The following IL2RB variants were observed in gnomAD, a reference collection of about 807,000 sequenced individuals.
IL2RB encodes interleukin-2 receptor subunit beta.
A neutral mutation model predicts 44.2 loss-of-function variants in IL2RB; 17 were observed. That is an observed-to-expected ratio of 0.38 (90% CI 0.26 to 0.58). The LOEUF (loss-of-function observed/expected upper bound fraction) is 0.58, where lower values mean the gene tolerates loss of function less well. Ranked by LOEUF, IL2RB falls within the 20% of genes least tolerant of loss-of-function variation. The probability of loss-of-function intolerance (pLI) is 0.63; values close to 1 mark genes in which losing one functional copy is unlikely to be tolerated. For missense variants in IL2RB, 624 were observed against 685.5 expected, an observed-to-expected ratio of 0.91 and a Z score of 1.00; for synonymous variants, 286 against 297.9, an observed-to-expected ratio of 0.96 and a Z score of 0.41.
upstream of IL2RB, among the ~76,000 whole-genome samples, chr22:37,154,575 C>CTTTTTTTTTTTTT (rs57147928): frequency 1.4e-5 from 2 of 141,606 alleles, no homozygotes; most frequent in African/African-American, 2.6e-5. Context: ...CTTTTTTTTT[C>CTTTTTTTTTTTTT]TTTTTTTTTT....
At chr22:37,171,928 A>C (rs1054073046) in intron 1 of IL2RB, among the ~76,000 whole-genome samples, 8 of 152,182 alleles carry the variant, frequency 5.3e-5, no homozygotes, top group Non-Finnish European at 1.0e-4. Context: ...CACCTTATAT[A>C]AACCTCTTTT....
intron 6 of IL2RB, 74 bp from the exon 7 acceptor site, chr22:37,136,467 C>A (rs915925519): frequency 1.2e-5 from 14 of 1,163,748 alleles, no homozygotes; most frequent in Admixed American, 2.9e-5. Flanking sequence ...CATCACAGAA[C>A]CCCCCCCCAA....
chr22:37,160,623 C>G (rs1269831508), intron 1 of IL2RB, among the ~76,000 whole-genome samples: 4 of 151,020 alleles, frequency 2.6e-5, no homozygotes, highest in Non-Finnish European at 5.9e-5. Flanking sequence ...GGGTGGATTG[C>G]TTGAGCTCAG....
intron 6 of IL2RB, 39 bp downstream of exon 6, chr22:37,137,548 G>A (rs370822006): frequency 2.3e-4 from 373 of 1,609,754 alleles, no homozygotes; most frequent in Non-Finnish European, 3.0e-4. Flanking sequence ...GGACAGGAAG[G>A]AGGAACCAAG....
At chr22:37,165,696 A>AATTTT (rs1197458002) in intron 1 of IL2RB, among the ~76,000 whole-genome samples, 1 of 149,262 alleles carries the variant, frequency 6.7e-6, no homozygotes, top group Admixed American at 6.8e-5. Flanking sequence ...AATTTAATTT[A>AATTTT]ATTTAATTTA....
upstream of IL2RB, among the ~76,000 whole-genome samples, chr22:37,151,374 T>G (rs746290751): frequency 6.6e-6 from 1 of 152,254 alleles, no homozygotes; most frequent in Non-Finnish European, 1.5e-5. Flanking sequence ...TTTTGAGAAC[T>G]GTCTATTCAG....
At chr22:37,157,911 C>G (rs1316382341) in intron 1 of IL2RB, among the ~76,000 whole-genome samples, 1 of 152,046 alleles carries the variant, frequency 6.6e-6, no homozygotes, top group African/African-American at 2.4e-5. Flanking sequence ...TCCCTAATAC[C>G]CTGAAGAGTC....
In IL2RB at chr22:37,157,060, G is replaced by C. The variant is rs115916260; in HGVS notation, c.-33-12855C>G. Among the ~76,000 whole-genome samples, 583 of 149,248 alleles carry C rather than the reference G, an allele frequency of 3.9e-3. 4 individuals are homozygous for C. Among genetic ancestry groups the C allele is most frequent in the African/African-American group, 0.014 (536 of 38,638 alleles). On this transcript the variant is annotated intron_variant, in intron 1 of 5. Transcript: ENST00000429622. ...CTGGTCCCTGGTCAGGAGGACTATG[G>C]TATACATAATTTGGTGTCTGACCCT...
intron 3 of IL2RB, 47 bp downstream of exon 3, chr22:37,143,474 T>C: frequency 7.9e-7 from 1 of 1,270,942 alleles, no homozygotes; most frequent in Non-Finnish European, 1.2e-6. Context: ...ATCCAGAATA[T>C]GAGATCCCAC....
At position 37,162,174 on chromosome 22, in the gene IL2RB, G is replaced by C. The variant is rs901189295; in HGVS notation, c.-34+12784C>G. Among the ~76,000 whole-genome samples the C allele has an allele frequency of 4.6e-4, 70 of 152,214 alleles. 1 individual carries two copies. Among genetic ancestry groups the C allele is most frequent in the Admixed American group, 2.7e-3 (41 of 15,286 alleles). On this transcript the variant is annotated intron_variant, in intron 1 of 5. Transcript: ENST00000429622. ...ATTACAGCAATGACTGACCACGTTG[G>C]GTGATGGCGATCGAGTGAGAGGGCA...
chr22:37,128,363 G>A lies in IL2RB; in HGVS notation c.1389C>T (p.Val463=). ...GGGGCTGGGGGTCCCAGTCTCTGGG[G>A]ACTCTTTCTTGCAAAGAAGGGGGCA... is the stretch of plus-strand genomic sequence containing the variant. The part of the protein sequence containing the change: ...ERMPPSLQER[V]PRDWDPQPLG... The change falls in exon 10 of 10, where the codon GTC becomes GTT. Residue 463 remains valine, a synonymous_variant. Transcript: ENST00000216223. This position sits in a 1 kb window ranked among gnomAD's most constrained non-coding sequence, Gnocchi z 4.5. 6.6e-7 allele frequency: 1 copy of A among 1,508,076 alleles called. No individual in the cohort carries two copies. Among genetic ancestry groups the A allele is most frequent in the Non-Finnish European group, 8.9e-7 (1 of 1,129,388 alleles). The allele number at this position is 1,508,076 out of a possible 1,614,324, so 93.4% of individuals were successfully genotyped here.
chr22:37,139,025 G>A (rs557224451), intron 5 of IL2RB, 92 bp downstream of exon 5: 9 of 819,038 alleles, frequency 1.1e-5, no homozygotes, highest in Non-Finnish European at 1.8e-5. Context: ...AAGCTGCCGG[G>A]GAGAAAGGCT....
intron 1 of IL2RB, among the ~76,000 whole-genome samples, chr22:37,172,319 G>A (rs1048935800): frequency 3.3e-5 from 5 of 151,738 alleles, no homozygotes; most frequent in East Asian, 1.9e-4. Context: ...GCTCCTTGGC[G>A]CCCGCTGTGC....
chr22:37,135,675 C>T (rs1176565474), intron 7 of IL2RB, among the ~76,000 whole-genome samples: 1 of 152,118 alleles, frequency 6.6e-6, no homozygotes, highest in African/African-American at 2.4e-5. Context: ...ATCCCATGGG[C>T]CCCCCTGGTG....
chr22:37,143,910 T>A (rs1386769160), intron 2 of IL2RB, among the ~76,000 whole-genome samples, 175 bp downstream of exon 2: 2 of 128,822 alleles, frequency 1.6e-5, no homozygotes, highest in African/African-American at 8.0e-5. Context: ...TGTGTGTGTG[T>A]GTGTGTGTGC....
intron 1 of IL2RB, among the ~76,000 whole-genome samples, chr22:37,161,566 G>A (rs1922874178): frequency 6.7e-6 from 1 of 148,972 alleles, no homozygotes; most frequent in Non-Finnish European, 1.5e-5. Flanking sequence ...CCTTCAATCA[G>A]AAGCCTCAGC....
chr22:37,168,676 TG>T (rs1272771118), intron 1 of IL2RB, among the ~76,000 whole-genome samples: 1 of 152,158 alleles, frequency 6.6e-6, no homozygotes, highest in African/African-American at 2.4e-5. Context: ...TCCTCTTCTC[TG>T]GGAGGATGGG....
intron 1 of IL2RB, among the ~76,000 whole-genome samples, chr22:37,161,033 T>C (rs1277207255): frequency 1.3e-5 from 2 of 152,130 alleles, no homozygotes; most frequent in Non-Finnish European, 2.9e-5. Context: ...CCCAGCTACT[T>C]GGGAGGCTGA....
intron 6 of IL2RB, 76 bp from the exon 7 acceptor site, chr22:37,136,469 C>T (rs1402373718): frequency 1.4e-6 from 2 of 1,440,910 alleles, no homozygotes; most frequent in Admixed American, 4.2e-5. Context: ...TCACAGAACC[C>T]CCCCCCAACC....
Sources: allele counts gnomAD v4.1 joint callset (sites outside exome capture counted in the v4.1 genomes callset), GRCh38; gene constraint gnomAD v4.1.1; non-coding constraint Gnocchi (gnomAD v3.1); transcripts MANE v1.5; gene names NCBI Gene and HGNC (gene_info 2026-07-23, HGNC 2026-07-21).